The following DPH6 variants were observed in gnomAD, a reference collection of about 807,000 sequenced individuals.
DPH6 encodes diphthine--ammonia ligase.
In DPH6, 33 loss-of-function variants were observed where a neutral mutation model predicts 38.2. The ratio of observed to expected loss-of-function variants is 0.86; its 90% CI spans 0.65 to 1.15. The LOEUF is 1.15. Ranked by LOEUF, DPH6 falls within the 50% of genes most tolerant of loss-of-function variation. The probability of loss-of-function intolerance (pLI) is 0.00; values close to 1 mark genes in which losing one functional copy is unlikely to be tolerated. For missense variants in DPH6, 325 were observed against 320.0 expected (o/e 1.02, Z -0.12); for synonymous variants, 108 against 103.0 (o/e 1.05, Z -0.30).
chr15:35,460,714 A>G (rs2054054968), intron 3 of DPH6, among the ~76,000 whole-genome samples: 1 of 152,208 alleles, frequency 6.6e-6, no homozygotes, highest in Admixed American at 6.5e-5. Flanking sequence ...GTTAACTATG[A>G]CCAAATTAGA....
At chr15:35,443,754 G>A (rs1691656106) in intron 5 of DPH6, among the ~76,000 whole-genome samples, 2 of 152,064 alleles carry the variant, frequency 1.3e-5, no homozygotes, top group Non-Finnish European at 2.9e-5. Flanking sequence ...TCATCTTTTA[G>A]CCTAGGTCCC....
intron 3 of DPH6, chr15:35,237,906 G>A (rs2051566970): frequency 4.3e-6 from 6 of 1,406,832 alleles, no homozygotes; most frequent in Non-Finnish European, 6.0e-6. Flanking sequence ...GAGGAGGAAG[G>A]TGAAGAGGAG....
intron 3 of DPH6, among the ~76,000 whole-genome samples, chr15:35,284,043 C>T (rs2051921179): frequency 6.6e-6 from 1 of 152,150 alleles, no homozygotes; most frequent in African/African-American, 2.4e-5. Flanking sequence ...CAGGACAGAA[C>T]ACTATTTCTT....
intron 6 of DPH6, among the ~76,000 whole-genome samples, chr15:35,382,154 G>A (rs2052876178): frequency 6.6e-6 from 1 of 152,174 alleles, no homozygotes; most frequent in South Asian, 2.1e-4. Context: ...AACATTAAGA[G>A]GCCAGGCGCG....
At chr15:35,416,464 A>G (rs561385685) in intron 5 of DPH6, among the ~76,000 whole-genome samples, 3 of 152,184 alleles carry the variant, frequency 2.0e-5, no homozygotes, top group Middle Eastern at 6.8e-3. Flanking sequence ...TAAACAGACT[A>G]TAATTCTTTT....
At chr15:35,340,525 C>G (rs941927921) in intron 3 of DPH6, among the ~76,000 whole-genome samples, 1 of 152,178 alleles carries the variant, frequency 6.6e-6, no homozygotes, top group South Asian at 2.1e-4. Flanking sequence ...ACAGTTTTTT[C>G]TTTCTGTATT....
At chr15:35,511,416 C>T (rs1428186876) in intron 3 of DPH6, among the ~76,000 whole-genome samples, 1 of 151,636 alleles carries the variant, frequency 6.6e-6, no homozygotes, top group Non-Finnish European at 1.5e-5. Flanking sequence ...TATGTGCATA[C>T]ATACACACAT....
chr15:35,489,469 G>C (rs1272374919), intron 3 of DPH6: 1 of 981,794 alleles, frequency 1.0e-6, no homozygotes, highest in African/African-American at 1.8e-5. Flanking sequence ...TTACTCAAAG[G>C]CATATTAGGC....
chr15:35,161,697 T>A, the DPH6 span, among the ~76,000 whole-genome samples: 3 of 198 alleles, frequency 0.015, no homozygotes, highest in African/African-American at 0.018. Flanking sequence ...GTGTGCTCGC[T>A]CTCTCTCTCT....
chr15:35,400,582 T>C (rs1401757393), intron 6 of DPH6: 5 of 380,304 alleles, frequency 1.3e-5, no homozygotes, highest in East Asian at 4.9e-5. Flanking sequence ...TGAAGAACCA[T>C]TTGAGAATAT....
intron 3 of DPH6, among the ~76,000 whole-genome samples, chr15:35,294,365 T>C (rs1326734665): frequency 6.6e-6 from 1 of 152,210 alleles, no homozygotes; most frequent in East Asian, 1.9e-4. Flanking sequence ...TGGCGATTAC[T>C]GTTGCTATTA....
chr15:35,287,396 T>C (rs531145096), intron 3 of DPH6, among the ~76,000 whole-genome samples: 1 of 152,320 alleles, frequency 6.6e-6, no homozygotes, highest in South Asian at 2.1e-4. Context: ...ACTAACATTA[T>C]TTGCAGTTAC....
the DPH6 span, among the ~76,000 whole-genome samples, chr15:35,192,205 T>G: frequency 6.6e-6 from 1 of 152,192 alleles, no homozygotes; most frequent in Admixed American, 6.5e-5. Flanking sequence ...TGGGTTTGTA[T>G]AGTTTCACTT....
chr15:35,243,205 A>G lies in DPH6; in HGVS notation n.201-22623T>C, dbSNP rs2051612264. ...AAATGTTTCTTCTAACATCCCCACA[A>G]TATCACCCCTTACCACAAGATCTCC... On this transcript the variant is annotated intron_variant and non_coding_transcript_variant, in intron 3 of 3. Transcript: ENST00000560386. Among the ~76,000 whole-genome samples, 2 of 141,374 alleles carry G rather than the reference A, an allele frequency of 1.4e-5. 1 individual carries two copies. Among genetic ancestry groups the G allele is most frequent in the African/African-American group, 5.1e-5 (2 of 38,968 alleles). The allele number at this position is 141,374 out of a possible 152,430, so 92.7% of individuals were successfully genotyped here. A position where few individuals can be genotyped will look rare whatever the true frequency, so the allele number is the denominator to read the frequency against.
intron 6 of DPH6, among the ~76,000 whole-genome samples, chr15:35,382,583 A>G (rs370115246): frequency 6.6e-6 from 1 of 152,042 alleles, no homozygotes; most frequent in African/African-American, 2.4e-5. Flanking sequence ...GGCTCCCCCA[A>G]CTCTTTGCCT....
At chr15:35,262,488 C>T (rs1370344953) in intron 3 of DPH6, among the ~76,000 whole-genome samples, 3 of 151,988 alleles carry the variant, frequency 2.0e-5, no homozygotes, top group Admixed American at 6.6e-5. Flanking sequence ...AGGGGGATCA[C>T]CAGGTCAGGA....
At chr15:35,190,284 G>A in the DPH6 span, among the ~76,000 whole-genome samples, 1 of 152,240 alleles carries the variant, frequency 6.6e-6, no homozygotes, top group Admixed American at 6.5e-5. Context: ...TAGCAAAGGA[G>A]TTTAATTCAC....
At chr15:35,158,840 C>A in the DPH6 span, among the ~76,000 whole-genome samples, 6 of 152,064 alleles carry the variant, frequency 3.9e-5, no homozygotes, top group Non-Finnish European at 2.9e-5. Flanking sequence ...CCACCTCTGA[C>A]TTTACTCACC....
At position 35,373,537 on chromosome 15, in the gene DPH6, A is replaced by T. The variant is rs1463199774; in HGVS notation, c.734T>A (p.Leu245Ter). 3 of 1,607,204 alleles carry T rather than the reference A, an allele frequency of 1.9e-6. No individual in the cohort carries two copies. Among genetic ancestry groups the T allele is most frequent in the Non-Finnish European group, 2.5e-6 (3 of 1,176,878 alleles). The change falls in exon 8 of 9, where the codon TTG becomes TAG. Residue 245 changes from leucine to a stop codon, truncating the protein, a stop_gained. Coordinates refer to ENST00000256538, the MANE Select transcript of DPH6 (RefSeq NM_080650.4). LOFTEE classifies it high-confidence loss of function. Reference protein sequence around the residue: ...APVAYLRFLELHLEDKVSSVP... With the variant: ...APVAYLRFLE ...TTTACTTGCCTTGTCCTCCAAGTGCAATTCTAAAAAGCGTAGATAAGCCAC... is the reference window on the plus strand; with the variant it reads ...TTTACTTGCCTTGTCCTCCAAGTGCTATTCTAAAAAGCGTAGATAAGCCAC...
Sources: gnomAD v4.1 joint callset for allele counts (sites outside exome capture counted in the v4.1 genomes callset) on GRCh38, gnomAD v4.1.1 for gene constraint, MANE v1.5 for transcripts, NCBI Gene and HGNC (gene_info 2026-07-23, HGNC 2026-07-21) for gene names.